MEMO1: variants seen among roughly 807,000 people sequenced by gnomAD.
MEMO1 encodes mediator of cell motility 1, also known as protein MEMO1.
MEMO1 carries 6 observed loss-of-function variants against 45.2 expected under a neutral mutation model. That is an observed-to-expected ratio of 0.13 (90% CI 0.07 to 0.26). The LOEUF (loss-of-function observed/expected upper bound fraction) is 0.26, where lower values mean the gene tolerates loss of function less well. MEMO1 is among the 10% of genes least tolerant of loss of function. The pLI is 1.00. For synonymous variants in MEMO1, 78 were observed against 124.3 expected, an observed-to-expected ratio of 0.63 and a Z score of 2.48; for missense variants, 184 against 370.5, an observed-to-expected ratio of 0.50 and a Z score of 4.13.
intron 6 of MEMO1, among the ~76,000 whole-genome samples, chr2:31,898,980 T>C (rs1469407162): frequency 6.6e-6 from 1 of 152,168 alleles, no homozygotes; most frequent in African/African-American, 2.4e-5. Context: ...CTTCTTTGTC[T>C]TTTCTCATAT....
intron 6 of MEMO1, among the ~76,000 whole-genome samples, chr2:31,912,971 A>C (rs1680821607): frequency 6.6e-6 from 1 of 152,198 alleles, no homozygotes; most frequent in Non-Finnish European, 1.5e-5. Context: ...TAATGAATAC[A>C]ATTTTTAAAT....
chr2:31,893,751 T>C (rs1677298389), intron 6 of MEMO1, among the ~76,000 whole-genome samples: 1 of 152,210 alleles, frequency 6.6e-6, no homozygotes, highest in South Asian at 2.1e-4. Context: ...ATAGGAAAGG[T>C]ACTTCGTCAC....
intron 2 of MEMO1, among the ~76,000 whole-genome samples, chr2:31,985,407 C>A (rs1451896044): frequency 1.3e-5 from 2 of 152,204 alleles, no homozygotes; most frequent in Non-Finnish European, 2.9e-5. Context: ...CTCATTGCAA[C>A]CTCCACCTCC....
At chr2:31,983,380 G>C (rs9752651) in intron 2 of MEMO1, among the ~76,000 whole-genome samples, 68,865 of 152,098 alleles carry the variant, frequency 0.45, 15,855 homozygotes, top group Admixed American at 0.49. Context: ...ACAGGACTTA[G>C]AAGCAGTGAT....
chr2:31,983,537 C>T (rs33998544), intron 2 of MEMO1, among the ~76,000 whole-genome samples: 20,109 of 152,036 alleles, frequency 0.13, 1,512 homozygotes, highest in Middle Eastern at 0.2. Flanking sequence ...CGGGTTCAAG[C>T]GGTTCTCCTG....
rs536292408 is a variant in MEMO1, at chr2:31,976,353, A to G, written c.62-32970T>C. On this transcript the variant is annotated intron_variant, in intron 2 of 9. Transcript: ENST00000404530. The stretch of plus-strand genomic sequence containing the variant: ...AGCACTTTGGAAGGCTGAGGAGGGC[A>G]GATGACTTGAAGCCAGGAGTTCGAA... Among the ~76,000 whole-genome samples, 17 of 152,036 alleles carry G rather than the reference A, an allele frequency of 1.1e-4. No individual in the cohort carries two copies. In the South Asian group the frequency reaches 3.3e-3, roughly 30 times the overall value.
chr2:32,007,549 C>CAT (rs3835884), intron 2 of MEMO1, among the ~76,000 whole-genome samples: 1 of 152,042 alleles, frequency 6.6e-6, no homozygotes, highest in Non-Finnish European at 1.5e-5. Flanking sequence ...TGTACACACA[C>CAT]TTTTTTTCTG....
At chr2:31,969,408 T>C (rs1476114246) in intron 2 of MEMO1, among the ~76,000 whole-genome samples, 1 of 131,912 alleles carries the variant, frequency 7.6e-6, no homozygotes, top group East Asian at 2.1e-4. Flanking sequence ...TATATACATA[T>C]ATACACGTAT....
At chr2:31,870,008 A>ATT in intron 8 of MEMO1, 56 bp from the exon 9 acceptor site, 1 of 1,259,262 alleles carries the variant, frequency 7.9e-7, no homozygotes, top group Non-Finnish European at 1.1e-6. Flanking sequence ...GACAATATTT[A>ATT]TTATTTCCTA....
intron 2 of MEMO1, among the ~76,000 whole-genome samples, chr2:31,980,933 G>C (rs2148500378): frequency 6.6e-6 from 1 of 152,166 alleles, no homozygotes; most frequent in East Asian, 1.9e-4. Flanking sequence ...CAATACGGTA[G>C]TCTCAGCAGC....
chr2:31,872,015 A>AC (rs1673839610), intron 8 of MEMO1, among the ~76,000 whole-genome samples: 2 of 113,232 alleles, frequency 1.8e-5, no homozygotes, highest in African/African-American at 3.4e-5. Context: ...CTCTGTCTCA[A>AC]AACACACACA....
At chr2:31,982,588 C>CAAAAAAA (rs60208602) in intron 2 of MEMO1, among the ~76,000 whole-genome samples, 1 of 70,104 alleles carries the variant, frequency 1.4e-5, no homozygotes. Flanking sequence ...GACTCCGTCT[C>CAAAAAAA]AAAAAAAAAA....
intron 2 of MEMO1, among the ~76,000 whole-genome samples, chr2:31,993,760 T>A (rs1672221159): frequency 6.6e-6 from 1 of 152,076 alleles, no homozygotes; most frequent in Admixed American, 6.5e-5. Context: ...TGGAGATACC[T>A]CACTGATTAT....
At position 31,933,351 on chromosome 2, in the gene MEMO1, T is replaced by TA. The variant is rs869274123; in HGVS notation, c.144-1217_144-1216insT. 6.7e-4 allele frequency among the ~76,000 whole-genome samples: 30 copies of TA among 45,090 alleles called. 2 individuals are homozygous for TA. The highest frequency in any genetic ancestry group is 2.6e-3 in the African/African-American group (30 of 11,326). 29.6% of individuals were successfully genotyped at this position (45,090 alleles called of 152,430 possible). A position where few individuals can be genotyped will look rare whatever the true frequency, so the allele number is the denominator to read the frequency against. ...AAAAAAAAAAAAAAAAAAAAAAAAT[T>TA]TATATATATATATATATATATATAT... On this transcript the variant is annotated intron_variant, in intron 3 of 9. Coordinates refer to ENST00000404530, the MANE Select transcript of MEMO1 (RefSeq NM_001301833.4).
intron 2 of MEMO1, among the ~76,000 whole-genome samples, chr2:31,968,946 A>G (rs1350087061): frequency 1.3e-5 from 2 of 152,154 alleles, no homozygotes; most frequent in Non-Finnish European, 2.9e-5. Flanking sequence ...ATTTTAAAGT[A>G]AAAGTTAAAA....
At chr2:31,992,471 A>G (rs978269119) in intron 2 of MEMO1, among the ~76,000 whole-genome samples, 1 of 152,228 alleles carries the variant, frequency 6.6e-6, no homozygotes, top group African/African-American at 2.4e-5. Flanking sequence ...CCAAATGGAT[A>G]AAAGACTGAA....
rs182030430 is a variant in MEMO1 at position 31,947,729 on chromosome 2, A to T, written c.62-4346T>A. ...AACAATGAGCTGTAGGAAATACAGT[A>T]ACACTTCTATTTAAATCCCACTTGA... On this transcript the variant is annotated intron_variant, in intron 2 of 9. Transcript: ENST00000404530. Among the ~76,000 whole-genome samples the T allele has an allele frequency of 2.8e-3, 422 of 152,310 alleles. 6 individuals are homozygous for T. Among genetic ancestry groups the T allele is most frequent in the Non-Finnish European group, 2.1e-4 (14 of 68,014 alleles).
intron 3 of MEMO1, among the ~76,000 whole-genome samples, chr2:31,933,550 T>C (rs1008515516): frequency 3.3e-5 from 5 of 151,522 alleles, no homozygotes; most frequent in Admixed American, 2.6e-4. Flanking sequence ...ATGTACACAT[T>C]GGTATGCCAA....
At chr2:31,992,426 G>A (rs898389755) in intron 2 of MEMO1, among the ~76,000 whole-genome samples, 1 of 152,162 alleles carries the variant, frequency 6.6e-6, no homozygotes. Flanking sequence ...AAACAAAAGT[G>A]GGTTCATATC....
Sources: gnomAD v4.1 joint callset for allele counts (sites outside exome capture counted in the v4.1 genomes callset) on GRCh38, gnomAD v4.1.1 for gene constraint, MANE v1.5 for transcripts, NCBI Gene and HGNC (gene_info 2026-07-23, HGNC 2026-07-21) for gene names.